Variants in TJP3 observed in about 807,000 individuals in gnomAD.
TJP3 encodes the protein tight junction protein ZO-3.
Under a neutral mutation model 104.2 loss-of-function variants are expected in TJP3, and 85 were observed. That is an observed-to-expected ratio of 0.82 (90% CI 0.68 to 0.98). The LOEUF (loss-of-function observed/expected upper bound fraction) is 0.98. Ranked by LOEUF, TJP3 falls within the 50% of genes least tolerant of loss-of-function variation. The probability of loss-of-function intolerance (pLI) is 0.00; values close to 1 mark genes in which losing one functional copy is unlikely to be tolerated. For synonymous variants in TJP3, 550 were observed against 550.6 expected (o/e 1.00, Z 0.02); for missense variants, 1,367 against 1,322.8 (o/e 1.03, Z -0.52).
At position 3,746,933 on chromosome 19, in the gene TJP3, C is replaced by T. The variant is rs1019692650; in HGVS notation, c.2322+57C>T. The T allele has an allele frequency of 1.3e-5, 19 of 1,516,404 alleles. No homozygotes were observed. Among genetic ancestry groups the T allele is most frequent in the Middle Eastern group, 2.3e-4 (1 of 4,358 alleles). The allele number at this position is 1,516,404 out of a possible 1,614,324, so 93.9% of individuals were successfully genotyped here. On this transcript the variant is annotated intron_variant, in intron 18 of 20. Coordinates refer to ENST00000541714, the MANE Select transcript of TJP3 (RefSeq NM_001267560.2). This position sits in a 1 kb window ranked among gnomAD's most constrained non-coding sequence, Gnocchi z 4.1. ...GAGGCCCCACAGACGCTGTGCAGGC[C>T]CAGCTGGGGTTTGGGGCCTCTGTCG...
Position 3,728,346 on chromosome 19 carries a change from A to G in TJP3, c.-9-78A>G, listed in dbSNP as rs1433095532. On this transcript the variant is annotated intron_variant, in intron 1 of 20. Transcript: ENST00000541714. The stretch of plus-strand genomic sequence containing the variant: ...CAGGCCTGTCAGAGCTGGACTCCCC[A>G]CCCTGAGCTGGGGACCCCCAAGTGC... The G allele has an allele frequency of 1.9e-6, 3 of 1,611,036 alleles. No individual in the cohort carries two copies. In the South Asian group the frequency reaches 3.3e-5, roughly 18 times the overall value.
chr19:3,736,006 A>G (rs771077125), intron 10 of TJP3, 71 bp downstream of exon 10: 43 of 1,597,324 alleles, frequency 2.7e-5, no homozygotes, highest in Non-Finnish European at 3.3e-5. Context: ...CATCAGCGCA[A>G]TCCTGCCTGC....
chr19:3,737,727 G>A (rs188181393), intron 11 of TJP3, among the ~76,000 whole-genome samples: 1 of 152,142 alleles, frequency 6.6e-6, no homozygotes, highest in African/African-American at 2.4e-5. Flanking sequence ...AAGCCCACTG[G>A]CTGGGTGAAA....
intron 1 of TJP3, among the ~76,000 whole-genome samples, 171 bp downstream of exon 1, chr19:3,708,732 C>T (rs1056162524): frequency 8.6e-5 from 13 of 152,028 alleles, no homozygotes; most frequent in Non-Finnish European, 1.6e-4. Context: ...GACATAGTTT[C>T]GTAGGGATTA....
rs557928127 is a variant in TJP3, at chr19:3,712,140, ACT to A, written c.-10+3582_-10+3583del. 1.2e-4 allele frequency among the ~76,000 whole-genome samples: 18 copies of A among 151,996 alleles called. No individual in the cohort carries two copies. In the South Asian group the frequency reaches 3.3e-3, roughly 28 times the overall value. On this transcript the variant is annotated intron_variant, in intron 1 of 20. Coordinates refer to ENST00000541714, the MANE Select transcript of TJP3 (RefSeq NM_001267560.2). ...AGACCAGCCTGGCAAACGTGGTGAA[ACT>A]CTGTCTCTACTAAAAATACAAAAAT...
intron 1 of TJP3, among the ~76,000 whole-genome samples, chr19:3,724,353 G>A (rs1159663282): frequency 8.6e-5 from 13 of 152,038 alleles, no homozygotes; most frequent in South Asian, 2.1e-4. Flanking sequence ...CGGCCACCAC[G>A]CCCTGCTAAT....
At position 3,750,015 on chromosome 19, in the gene TJP3, C is replaced by G. The variant is rs962590246; in HGVS notation, c.2611-123C>G. 6 of 1,229,938 alleles carry G rather than the reference C, an allele frequency of 4.9e-6. No homozygotes were observed. In the African/African-American group the frequency reaches 8.9e-5, roughly 18 times the overall value. 76.2% of individuals were successfully genotyped at this position (1,229,938 alleles called of 1,614,324 possible). On this transcript the variant is annotated intron_variant, in intron 19 of 20. Coordinates refer to ENST00000541714, the MANE Select transcript of TJP3 (RefSeq NM_001267560.2). ...TTGGGGATGACCTGCAGACTTGTCA[C>G]GGGGTTAGCAAGTGGGCAGCATGGC...
Position 3,736,171 on chromosome 19 carries a change from C to T in TJP3, c.1134C>T (p.Ser378=). 2 of 1,591,008 alleles carry T rather than the reference C, an allele frequency of 1.3e-6. No individual in the cohort carries two copies. Among genetic ancestry groups the T allele is most frequent in the Admixed American group, 1.7e-5 (1 of 58,086 alleles). ...TCTCTGCCTCCCCTTGCAGGTACAGCCCCGACACGCGTGTGGTCCGCTTCC... is the reference window on the plus strand; with the variant it reads ...TCTCTGCCTCCCCTTGCAGGTACAGTCCCGACACGCGTGTGGTCCGCTTCC... ...SSQSMEDRGY[S]PDTRVVRFLK... Residue 378 remains serine, a synonymous_variant, in exon 11 of 21, where the codon AGC becomes AGT. Coordinates refer to ENST00000541714, the MANE Select transcript of TJP3 (RefSeq NM_001267560.2).
chr19:3,737,385 C>T (rs566066474), intron 11 of TJP3, among the ~76,000 whole-genome samples: 34 of 152,204 alleles, frequency 2.2e-4, no homozygotes, highest in African/African-American at 7.7e-4. Context: ...ATGTCCTAAT[C>T]GTGTGGTCAG....
At chr19:3,737,963 T>C (rs536413829) in intron 11 of TJP3, among the ~76,000 whole-genome samples, 1 of 150,934 alleles carries the variant, frequency 6.6e-6, no homozygotes, top group South Asian at 2.1e-4. Context: ...GGCTGTATAT[T>C]GCTGTCCATG....
At chr19:3,726,129 C>T (rs900972396) in intron 1 of TJP3, among the ~76,000 whole-genome samples, 4 of 152,230 alleles carry the variant, frequency 2.6e-5, no homozygotes, top group African/African-American at 9.6e-5. Context: ...CTAGAAAACC[C>T]GCCCCGGGGA....
chr19:3,734,082 G>C (rs2036706269), intron 7 of TJP3, among the ~76,000 whole-genome samples, 170 bp downstream of exon 7: 1 of 152,160 alleles, frequency 6.6e-6, no homozygotes. Flanking sequence ...GGGCGATCTC[G>C]GCTCACTGGG....
chr19:3,728,289 G>GA, intron 1 of TJP3, 135 bp from the exon 2 acceptor site: 1 of 1,379,546 alleles, frequency 7.2e-7, no homozygotes, highest in Non-Finnish European at 9.9e-7. Flanking sequence ...GAGGCCCTGA[G>GA]AGAGGTAGTA....
At position 3,738,646 on chromosome 19, in the gene TJP3, C is replaced by T. The variant is rs61729585; in HGVS notation, c.1376C>T (p.Thr459Met). Residue 459 changes from threonine to methionine, a missense_variant, in exon 12 of 21, where the codon ACG becomes ATG. Physicochemically the swap from Thr to Met is moderately conservative, Grantham distance 81 (BLOSUM62 -1). Transcript: ENST00000541714. ...CCAGGCGAGGAGATGGAGCTGGTGACGCAGAGGAAGCAGGACAGTGAGTGC... is the reference window on the plus strand; with the variant it reads ...CCAGGCGAGGAGATGGAGCTGGTGATGCAGAGGAAGCAGGACAGTGAGTGC... ...LPPGEEMELVTQRKQDIFWKM... is the reference protein window; with the variant it reads ...LPPGEEMELVMQRKQDIFWKM... 1,182 of 1,613,560 alleles carry T rather than the reference C, an allele frequency of 7.3e-4. 8 individuals are homozygous for T. The African/African-American group carries it at 0.013, about 17-fold the overall frequency.
intron 1 of TJP3, among the ~76,000 whole-genome samples, chr19:3,712,712 G>A (rs1247060046): frequency 6.6e-6 from 1 of 152,142 alleles, no homozygotes; most frequent in African/African-American, 2.4e-5. Flanking sequence ...ATTTTGGGAG[G>A]CCGAGGTGGG....
chr19:3,734,977 T>C (rs1315332579), intron 8 of TJP3, among the ~76,000 whole-genome samples: 2 of 151,982 alleles, frequency 1.3e-5, no homozygotes, highest in African/African-American at 4.8e-5. Context: ...TTCTTTTTCC[T>C]CTATTTATTT....
In TJP3 at chr19:3,721,884, A is replaced by C. The variant is rs569202926; in HGVS notation, c.-9-6540A>C. ...CGGGTAGGGGGGCTGGAGAGCCCCC[A>C]GGTGGACCATGGCGGTGAGATTCCA... On this transcript the variant is annotated intron_variant, in intron 1 of 20. Transcript: ENST00000541714. The C allele has an allele frequency of 1.3e-3, 1,523 of 1,194,352 alleles. 50 individuals are homozygous for C. In the South Asian group the frequency reaches 0.056, roughly 44 times the overall value. The allele number at this position is 1,194,352 out of a possible 1,614,324, so 74.0% of individuals were successfully genotyped here.
rs751033595 is a variant in TJP3 at position 3,730,748 on chromosome 19, CAG to C, written c.613+43_613+44del. ...GGTCGGACACGATCAGTACTGGACA[CAG>C]GGCACCGTGGTCGGATGGGCGACGG... is the stretch of plus-strand genomic sequence containing the variant. On this transcript the variant is annotated intron_variant, in intron 5 of 20. Coordinates refer to ENST00000541714, the MANE Select transcript of TJP3 (RefSeq NM_001267560.2). The surrounding 1 kb of genome is among the most constrained non-coding windows in gnomAD (Gnocchi z 7.3). The C allele has an allele frequency of 5.2e-6, 8 of 1,544,722 alleles. No homozygotes were observed. Among genetic ancestry groups the C allele is most frequent in the East Asian group, 2.4e-5 (1 of 42,502 alleles).
chr19:3,724,183 G>A (rs2036573055), intron 1 of TJP3, among the ~76,000 whole-genome samples: 2 of 152,074 alleles, frequency 1.3e-5, no homozygotes, highest in African/African-American at 2.4e-5. Context: ...CGGGGGCCCT[G>A]GTTCCCTGGG....
Sources: allele counts gnomAD v4.1 joint callset (sites outside exome capture counted in the v4.1 genomes callset), GRCh38; gene constraint gnomAD v4.1.1; non-coding constraint Gnocchi (gnomAD v3.1); transcripts MANE v1.5; gene names NCBI Gene and HGNC (gene_info 2026-07-23, HGNC 2026-07-21).